FNIP2: variants seen among roughly 807,000 people sequenced by gnomAD.
FNIP2 encodes folliculin interacting protein 2.
A neutral mutation model predicts 108.7 loss-of-function variants in FNIP2; 32 were observed. The observed-to-expected ratio is 0.29, with a 90% CI of 0.22 to 0.40. FNIP2 has a LOEUF of 0.40. Among genes scored for constraint, FNIP2 ranks in the 10% least tolerant of loss-of-function variants. The pLI is 1.00. For synonymous variants in FNIP2, 480 were observed against 496.7 expected, an observed-to-expected ratio of 0.97 and a Z score of 0.45; for missense variants, 1,202 against 1,381.6, an observed-to-expected ratio of 0.87 and a Z score of 2.06.
intron 10 of FNIP2, among the ~76,000 whole-genome samples, chr4:158,860,048 G>A (rs1468859153): frequency 6.6e-6 from 1 of 152,216 alleles, no homozygotes; most frequent in African/African-American, 2.4e-5. Flanking sequence ...AGATGGAGAG[G>A]TTATGCATGT....
intron 16 of FNIP2, among the ~76,000 whole-genome samples, chr4:158,903,186 A>C (rs1299693232): frequency 6.6e-6 from 1 of 152,202 alleles, no homozygotes; most frequent in Non-Finnish European, 1.5e-5. Context: ...TCCAGACTGC[A>C]GTGCAGATAT....
intron 14 of FNIP2, among the ~76,000 whole-genome samples, chr4:158,882,860 G>C (rs948955948): frequency 6.6e-6 from 1 of 151,812 alleles, no homozygotes; most frequent in Admixed American, 6.6e-5. Flanking sequence ...CAAATACTGC[G>C]GAAGGCCGCA....
At chr4:158,835,358 A>C in intron 6 of FNIP2, 47 bp from the exon 7 acceptor site, 2 of 1,551,580 alleles carry the variant, frequency 1.3e-6, no homozygotes, top group Non-Finnish European at 1.8e-6. Context: ...TAAAAACTTT[A>C]TCTCTGAAGA....
At chr4:158,839,485 C>A (rs1000597883) in intron 7 of FNIP2, among the ~76,000 whole-genome samples, 1 of 152,068 alleles carries the variant, frequency 6.6e-6, no homozygotes, top group African/African-American at 2.4e-5. Flanking sequence ...CCCTCCTCAG[C>A]GCCCTGAGTA....
intron 7 of FNIP2, among the ~76,000 whole-genome samples, chr4:158,849,605 G>T (rs143594252): frequency 6.6e-6 from 1 of 152,084 alleles, no homozygotes; most frequent in South Asian, 2.1e-4. Flanking sequence ...GGACAGAAAC[G>T]TCTAATTAGG....
chr4:158,867,248 A>C (rs930470818), intron 12 of FNIP2, among the ~76,000 whole-genome samples: 5 of 152,076 alleles, frequency 3.3e-5, no homozygotes, highest in Non-Finnish European at 7.4e-5. Flanking sequence ...GCTGGAGTGC[A>C]GTGGTGCCAT....
At chr4:158,812,905 T>G (rs534016703) in intron 1 of FNIP2, among the ~76,000 whole-genome samples, 3 of 151,714 alleles carry the variant, frequency 2.0e-5, no homozygotes, top group African/African-American at 7.3e-5. Flanking sequence ...TCCCTCCCTC[T>G]CTAACCCCAG....
chr4:158,809,498 G>A (rs1256856967), intron 1 of FNIP2, among the ~76,000 whole-genome samples: 1 of 152,192 alleles, frequency 6.6e-6, no homozygotes, highest in Non-Finnish European at 1.5e-5. Flanking sequence ...ATGATGCCAG[G>A]TATATGGTAT....
At chr4:158,771,058 T>C (rs1775683180) in intron 1 of FNIP2, among the ~76,000 whole-genome samples, 1 of 152,252 alleles carries the variant, frequency 6.6e-6, no homozygotes, top group Non-Finnish European at 1.5e-5. Flanking sequence ...ACATTTTCAG[T>C]AGTGTTCTGA....
intron 2 of FNIP2, among the ~76,000 whole-genome samples, chr4:158,826,625 G>T (rs1159817885): frequency 6.6e-6 from 1 of 152,122 alleles, no homozygotes; most frequent in Non-Finnish European, 1.5e-5. Context: ...TAGTGGTGGT[G>T]GTGGTGGTGG....
intron 14 of FNIP2, chr4:158,871,405 T>TG: frequency 2.0e-6 from 2 of 985,340 alleles, no homozygotes; most frequent in Non-Finnish European, 2.4e-6. Context: ...GGCCAACAAG[T>TG]ATTTTTTTTT....
At chr4:158,860,375 T>C (rs1169434965) in intron 10 of FNIP2, among the ~76,000 whole-genome samples, 1 of 152,244 alleles carries the variant, frequency 6.6e-6, no homozygotes, top group Non-Finnish European at 1.5e-5. Context: ...TTAAAGTATA[T>C]GCTGATGAAC....
chr4:158,844,733 C>G (rs906291240), intron 7 of FNIP2, among the ~76,000 whole-genome samples: 3 of 152,174 alleles, frequency 2.0e-5, no homozygotes, highest in Admixed American at 2.0e-4. Flanking sequence ...AGCTTCAGGG[C>G]CTTATTTGGT....
At chr4:158,806,969 A>C (rs919670257) in intron 1 of FNIP2, among the ~76,000 whole-genome samples, 1 of 152,208 alleles carries the variant, frequency 6.6e-6, no homozygotes, top group Non-Finnish European at 1.5e-5. Context: ...AAAGAATAGC[A>C]TACTTATAAT....
At chr4:158,781,577 C>T (rs897400503) in intron 1 of FNIP2, among the ~76,000 whole-genome samples, 3 of 152,066 alleles carry the variant, frequency 2.0e-5, no homozygotes, top group Admixed American at 1.3e-4. Flanking sequence ...TGCAGTGGCG[C>T]GATCTTGGCT....
chr4:158,776,489 T>A (rs557475366), intron 1 of FNIP2, among the ~76,000 whole-genome samples: 1 of 152,334 alleles, frequency 6.6e-6, no homozygotes, highest in South Asian at 2.1e-4. Context: ...TGTCTTATAG[T>A]CAAAACCTTT....
At chr4:158,891,351 G>A in intron 14 of FNIP2, 95 bp from the exon 15 acceptor site, 1 of 1,208,160 alleles carries the variant, frequency 8.3e-7, no homozygotes, top group Non-Finnish European at 1.2e-6. Flanking sequence ...TGGCTGTCAA[G>A]AATTTTACAT....
At chr4:158,796,554 A>G (rs1776597592) in intron 1 of FNIP2, among the ~76,000 whole-genome samples, 1 of 152,170 alleles carries the variant, frequency 6.6e-6, no homozygotes, top group African/African-American at 2.4e-5. Context: ...TTTGCCAGGT[A>G]TCATTGTGGC....
chr4:158,861,535 T>A, intron 11 of FNIP2, 47 bp downstream of exon 11: 1 of 1,613,690 alleles, frequency 6.2e-7, no homozygotes, highest in Non-Finnish European at 8.5e-7. Flanking sequence ...TCATGGCCAA[T>A]GTGTGTACTG....
Sources: gnomAD v4.1 joint callset for allele counts (sites outside exome capture counted in the v4.1 genomes callset) on GRCh38, gnomAD v4.1.1 for gene constraint, MANE v1.5 for transcripts, NCBI Gene and HGNC (gene_info 2026-07-23, HGNC 2026-07-21) for gene names.